MALRD1: variants seen among roughly 807,000 people sequenced by gnomAD.
MALRD1 encodes the protein MAM and LDL-receptor class A domain-containing protein 1.
A neutral mutation model predicts 242.1 loss-of-function variants in MALRD1; 247 were observed. That is an observed-to-expected ratio of 1.02 (90% CI 0.92 to 1.13). The LOEUF (loss-of-function observed/expected upper bound fraction) is 1.13, where lower values mean the gene tolerates loss of function less well. MALRD1 is among the 50% of genes most tolerant of loss of function. The pLI is 0.00. For synonymous variants in MALRD1, 995 were observed against 866.6 expected (o/e 1.15, Z -2.60); for missense variants, 2,989 against 2,533.1 (o/e 1.18, Z -3.86).
At chr10:19,107,596 C>G (rs562831927) in intron 5 of MALRD1, among the ~76,000 whole-genome samples, 2 of 147,318 alleles carry the variant, frequency 1.4e-5, no homozygotes, top group East Asian at 2.0e-4. Flanking sequence ...CTCATCCACT[C>G]TATATATTTT....
intron 1 of MALRD1, among the ~76,000 whole-genome samples, chr10:19,065,692 G>T (rs1237677677): frequency 1.3e-5 from 2 of 152,160 alleles, no homozygotes; most frequent in East Asian, 3.9e-4. Context: ...ACATGGGTAG[G>T]TATTGTGAAC....
At chr10:19,151,275 A>C (rs1833935455) in intron 11 of MALRD1, among the ~76,000 whole-genome samples, 1 of 152,020 alleles carries the variant, frequency 6.6e-6, no homozygotes, top group Non-Finnish European at 1.5e-5. Flanking sequence ...GATTTTGAAA[A>C]TCTTTTGCTA....
At chr10:19,603,042 TG>T (rs1300989118) in intron 34 of MALRD1, among the ~76,000 whole-genome samples, 1 of 152,184 alleles carries the variant, frequency 6.6e-6, no homozygotes, top group African/African-American at 2.4e-5. Context: ...TTGATGGGGT[TG>T]TTTTTTTTCT....
At chr10:19,653,310 C>T (rs1192581785) in intron 36 of MALRD1, among the ~76,000 whole-genome samples, 1 of 151,980 alleles carries the variant, frequency 6.6e-6, no homozygotes, top group Non-Finnish European at 1.5e-5. Flanking sequence ...GATCATCGCA[C>T]CTTAGCCTCC....
At chr10:19,589,281 A>C (rs1837626691) in intron 33 of MALRD1, among the ~76,000 whole-genome samples, 1 of 124,710 alleles carries the variant, frequency 8.0e-6, no homozygotes, top group African/African-American at 3.0e-5. Flanking sequence ...TGTATAAATA[A>C]AGTATGTCTA....
intron 28 of MALRD1, among the ~76,000 whole-genome samples, chr10:19,404,253 C>CT (rs1437176349): frequency 5.9e-5 from 9 of 151,906 alleles, no homozygotes; most frequent in African/African-American, 1.9e-4. Flanking sequence ...TGCACTTATG[C>CT]TTTTTTTATT....
chr10:19,702,780 C>T (rs1424328959), intron 38 of MALRD1, among the ~76,000 whole-genome samples: 1 of 151,704 alleles, frequency 6.6e-6, no homozygotes, highest in African/African-American at 2.4e-5. Context: ...ATGCCAAAAC[C>T]TTGAGATACA....
chr10:19,186,246 A>C (rs1835732391), intron 14 of MALRD1, among the ~76,000 whole-genome samples: 1 of 152,186 alleles, frequency 6.6e-6, no homozygotes, highest in African/African-American at 2.4e-5. Context: ...AATCTAGACA[A>C]CTATTTTCTA....
intron 36 of MALRD1, among the ~76,000 whole-genome samples, chr10:19,624,655 C>T (rs1320088285): frequency 1.3e-5 from 2 of 151,850 alleles, no homozygotes; most frequent in African/African-American, 4.8e-5. Context: ...CACTTGAGAT[C>T]AGGAGTTCAA....
At chr10:19,586,947 C>T (rs964970514) in intron 33 of MALRD1, among the ~76,000 whole-genome samples, 10 of 152,196 alleles carry the variant, frequency 6.6e-5, no homozygotes, top group South Asian at 2.1e-4. Context: ...TTTTTAGGCC[C>T]GTCGGAAAAG....
intron 14 of MALRD1, among the ~76,000 whole-genome samples, chr10:19,200,205 A>G (rs1291473960): frequency 6.6e-6 from 1 of 152,248 alleles, no homozygotes; most frequent in Non-Finnish European, 1.5e-5. Context: ...TGATGTATGT[A>G]TTAACAGATG....
intron 36 of MALRD1, among the ~76,000 whole-genome samples, chr10:19,659,820 G>A (rs569773651): frequency 4.6e-5 from 7 of 152,198 alleles, no homozygotes; most frequent in African/African-American, 1.7e-4. Flanking sequence ...CCAATGATGA[G>A]TGTTCCATTT....
chr10:19,127,701 A>G (rs1016560858), intron 7 of MALRD1, among the ~76,000 whole-genome samples: 4 of 152,154 alleles, frequency 2.6e-5, no homozygotes, highest in African/African-American at 9.6e-5. Context: ...AACAAAATCC[A>G]TAGGTGACGT....
intron 26 of MALRD1, among the ~76,000 whole-genome samples, chr10:19,362,505 C>T (rs1461788076): frequency 1.3e-5 from 2 of 152,016 alleles, no homozygotes; most frequent in East Asian, 3.9e-4. Context: ...GCTAAGCAGA[C>T]ATCAGAGAAG....
At chr10:19,398,476 G>A (rs1315488793) in intron 28 of MALRD1, among the ~76,000 whole-genome samples, 1 of 152,088 alleles carries the variant, frequency 6.6e-6, no homozygotes, top group East Asian at 1.9e-4. Context: ...ATACTTTTGA[G>A]ACAGCCAAAG....
At chr10:19,708,036 T>G (rs1216800788) in intron 38 of MALRD1, among the ~76,000 whole-genome samples, 1 of 119,412 alleles carries the variant, frequency 8.4e-6, no homozygotes, top group African/African-American at 2.6e-5. Flanking sequence ...TTTTCTCATT[T>G]AATACAGAAA....
intron 31 of MALRD1, among the ~76,000 whole-genome samples, chr10:19,520,104 C>A (rs753100046): frequency 1.3e-5 from 2 of 152,100 alleles, no homozygotes; most frequent in Admixed American, 6.5e-5. Context: ...GAGTCGTTCA[C>A]GGAAGAGGAA....
chr10:19,730,556 A>T, intron 38 of MALRD1, 150 bp from the exon 39 acceptor site: 1 of 863,576 alleles, frequency 1.2e-6, no homozygotes, highest in Non-Finnish European at 1.8e-6. Flanking sequence ...AAAATAAAAA[A>T]CAAACTTTAC....
intron 21 of MALRD1, among the ~76,000 whole-genome samples, chr10:19,292,744 T>A (rs923791940): frequency 2.0e-5 from 3 of 151,542 alleles, no homozygotes; most frequent in Non-Finnish European, 4.4e-5. Flanking sequence ...TACAAAAAAA[T>A]TAGCCGGGCA....
Sources: allele counts gnomAD v4.1 joint callset (sites outside exome capture counted in the v4.1 genomes callset), GRCh38; gene constraint gnomAD v4.1.1; transcripts MANE v1.5; gene names NCBI Gene and HGNC (gene_info 2026-07-23, HGNC 2026-07-21).